Variants in RAB32 observed in about 807,000 individuals in gnomAD.
RAB32 encodes RAB32, member RAS oncogene family.
Under a neutral mutation model 17.5 loss-of-function variants are expected in RAB32, and 17 were observed. The ratio of observed to expected loss-of-function variants is 0.97; its 90% CI spans 0.67 to 1.46. RAB32 has a LOEUF of 1.46. RAB32 is among the 40% of genes most tolerant of loss of function. RAB32 has a pLI of 0.00. For synonymous variants in RAB32, 115 were observed against 111.1 expected (o/e 1.04, Z -0.22); for missense variants, 288 against 284.3 (o/e 1.01, Z -0.09).
Position 146,549,647 on chromosome 6 carries a change from G to A in RAB32, c.434G>A (p.Cys145Tyr). The A allele has an allele frequency of 1.9e-6, 3 of 1,614,182 alleles. No homozygotes were observed. The highest frequency in any genetic ancestry group is 2.7e-5 in the African/African-American group (2 of 75,058). The change falls in exon 2 of 3, where the codon TGT becomes TAT. Residue 145 changes from cysteine to tyrosine, a missense_variant. Coordinates refer to ENST00000367495, the MANE Select transcript of RAB32 (RefSeq NM_006834.5). ...CCTGCTGTCCTCTTGGCTAACAAATGTGACCAGAACAAGGACAGTAGCCAG... is the reference window on the plus strand; with the variant it reads ...CCTGCTGTCCTCTTGGCTAACAAATATGACCAGAACAAGGACAGTAGCCAG... ...PIPAVLLANKCDQNKDSSQSP... is the reference protein window; with the variant it reads ...PIPAVLLANKYDQNKDSSQSP...
chr6:146,553,130 G>A lies in RAB32; in HGVS notation c.529-1326G>A, dbSNP rs148391262. Among the ~76,000 whole-genome samples, 488 of 152,074 alleles carry A rather than the reference G, an allele frequency of 3.2e-3. 6 individuals are homozygous for A. Among genetic ancestry groups the A allele is most frequent in the African/African-American group, 0.011 (469 of 41,476 alleles). On this transcript the variant is annotated intron_variant, in intron 2 of 2. Transcript: ENST00000367495. ...TGTGCACAACGTGCAGGTTAGTCAC[G>A]TATGTATACATGTGTGGAACCTCTT...
chr6:146,549,691 C>A lies in RAB32; in HGVS notation c.478C>A (p.Gln160Lys). The change falls in exon 2 of 3, where the codon CAA becomes AAA. Residue 160 changes from glutamine (Q) to lysine (K), a missense_variant. Coordinates refer to ENST00000367495, the MANE Select transcript of RAB32 (RefSeq NM_006834.5). ...TAGCCAGAGTCCTTCCCAGGTGGACCAATTCTGCAAAGAACATGGCTTTGC... is the reference window on the plus strand; with the variant it reads ...TAGCCAGAGTCCTTCCCAGGTGGACAAATTCTGCAAAGAACATGGCTTTGC... ...DSSQSPSQVD[Q>K]FCKEHGFAGW... 6.2e-7 allele frequency: 1 copy of A among 1,614,194 alleles called. No individual in the cohort carries two copies. Among genetic ancestry groups the A allele is most frequent in the South Asian group, 1.1e-5 (1 of 91,084 alleles).
Position 146,543,903 on chromosome 6 carries a change from T to G in RAB32, c.32T>G (p.Leu11Arg), listed in dbSNP as rs1450449793. The G allele has an allele frequency of 2.5e-6, 4 of 1,582,848 alleles. No individual in the cohort carries two copies. The highest frequency in any genetic ancestry group is 3.5e-5 in the Admixed American group (2 of 56,996). ...GGCGGAGGAGCCGGGGACCCCGGCC[T>G]GGGGGCGGCCGCCGCCCCAGCGCCC... Reference protein sequence around the residue: MAGGGAGDPGLGAAAAPAPET... With the variant: MAGGGAGDPGRGAAAAPAPET... The change falls in exon 1 of 3, where the codon CTG becomes CGG. Residue 11 changes from leucine to arginine, a missense_variant. Physicochemically the swap from Leu to Arg is moderately radical, Grantham distance 102 (BLOSUM62 -2). Coordinates refer to ENST00000367495, the MANE Select transcript of RAB32 (RefSeq NM_006834.5).
intron 1 of RAB32, among the ~76,000 whole-genome samples, chr6:146,544,537 T>C (rs1157586873): frequency 6.6e-6 from 1 of 151,986 alleles, no homozygotes; most frequent in African/African-American, 2.4e-5. Flanking sequence ...GCACTCCTAG[T>C]TAGTGACACC....
At position 146,543,896 on chromosome 6, in the gene RAB32, C is replaced by T; in HGVS notation, c.25C>T (p.Pro9Ser). Residue 9 changes from proline (P) to serine (S), a missense_variant, in exon 1 of 3, where the codon CCC becomes TCC. Transcript: ENST00000367495. The part of the protein sequence containing the change: MAGGGAGD[P>S]GLGAAAAPAP... The stretch of plus-strand genomic sequence containing the variant: ...CATGGCGGGCGGAGGAGCCGGGGAC[C>T]CCGGCCTGGGGGCGGCCGCCGCCCC... The T allele has an allele frequency of 6.4e-7, 1 of 1,557,064 alleles. No individual in the cohort carries two copies.
chr6:146,553,162 A>T (rs559291255), intron 2 of RAB32, among the ~76,000 whole-genome samples: 11 of 152,334 alleles, frequency 7.2e-5, no homozygotes, highest in African/African-American at 2.6e-4. Flanking sequence ...TCTTTCTAAC[A>T]GTAGAATTCC....
chr6:146,544,835 G>A (rs1779801219), intron 1 of RAB32, among the ~76,000 whole-genome samples: 1 of 122,520 alleles, frequency 8.2e-6, no homozygotes, highest in Admixed American at 1.2e-4. Context: ...CATTTGTTCT[G>A]TTTGAGGGGG....
intron 1 of RAB32, 114 bp from the exon 2 acceptor site, chr6:146,549,350 G>A (rs1779866967): frequency 2.5e-6 from 2 of 804,000 alleles, no homozygotes; most frequent in Admixed American, 5.4e-5. Context: ...TTATATTGCT[G>A]TGGAATGGAA....
At position 146,544,148 on chromosome 6, in the gene RAB32, C is replaced by T. The variant is rs770579599; in HGVS notation, c.250+27C>T. The T allele has an allele frequency of 2.5e-6, 4 of 1,586,488 alleles. No homozygotes were observed. In the Admixed American group the frequency reaches 5.3e-5, roughly 21 times the overall value. ...TAAGCGCGGCCGCGAGTTTCCCACT[C>T]CAGAGCCCCGCCGGGCCGCCTGGCT... On this transcript the variant is annotated intron_variant, in intron 1 of 2. Coordinates refer to ENST00000367495, the MANE Select transcript of RAB32 (RefSeq NM_006834.5).
intron 2 of RAB32, 111 bp from the exon 3 acceptor site, chr6:146,554,345 T>C (rs1177703706): frequency 9.9e-7 from 1 of 1,007,606 alleles, no homozygotes; most frequent in Admixed American, 2.9e-5. Flanking sequence ...AAAGTGGCTG[T>C]GCACTTGCTG....
intron 1 of RAB32, among the ~76,000 whole-genome samples, chr6:146,549,167 A>G (rs553813942): frequency 1.3e-5 from 2 of 152,242 alleles, no homozygotes; most frequent in African/African-American, 4.8e-5. Flanking sequence ...GACTAAGGGG[A>G]GACGAGTCGG....
At chr6:146,546,766 T>C (rs1174014612) in intron 1 of RAB32, among the ~76,000 whole-genome samples, 1 of 151,268 alleles carries the variant, frequency 6.6e-6, no homozygotes, top group Non-Finnish European at 1.5e-5. Context: ...TAAGGTGTGG[T>C]GTTTTTACTA....
intron 2 of RAB32, among the ~76,000 whole-genome samples, chr6:146,553,107 T>C (rs1232683629): frequency 6.6e-6 from 1 of 152,224 alleles, no homozygotes; most frequent in Non-Finnish European, 1.5e-5. Context: ...AGGGTACATG[T>C]GCACAACGTG....
chr6:146,551,886 C>T (rs1779903015), intron 2 of RAB32, among the ~76,000 whole-genome samples: 1 of 152,142 alleles, frequency 6.6e-6, no homozygotes, highest in African/African-American at 2.4e-5. Context: ...ATAATAGAAG[C>T]AGCTTCTGTA....
rs776760747 is a variant in RAB32 at position 146,549,711 on chromosome 6, C to T, written c.498C>T (p.Gly166=). ...TGGACCAATTCTGCAAAGAACATGG[C>T]TTTGCCGGATGGTTTGAAACCTCTG... ...SQVDQFCKEH[G]FAGWFETSAK... Residue 166 remains glycine (G), a synonymous_variant, in exon 2 of 3, where the codon GGC becomes GGT. Coordinates refer to ENST00000367495, the MANE Select transcript of RAB32 (RefSeq NM_006834.5). 1.9e-6 allele frequency: 3 copies of T among 1,614,164 alleles called. No homozygotes were observed. The highest frequency in any genetic ancestry group is 1.1e-5 in the South Asian group (1 of 91,080).
At chr6:146,545,013 C>G (rs1583535084) in intron 1 of RAB32, among the ~76,000 whole-genome samples, 1 of 152,218 alleles carries the variant, frequency 6.6e-6, no homozygotes, top group African/African-American at 2.4e-5. Context: ...AAGGCCTAGA[C>G]TGGAGGATCG....
rs1779781650 is a variant in RAB32 at position 146,543,835 on chromosome 6, A to G, written c.-37A>G. On this transcript the variant is annotated 5_prime_UTR_variant, in exon 1 of 3. Coordinates refer to ENST00000367495, the MANE Select transcript of RAB32 (RefSeq NM_006834.5). ...AGCGCGAGGCCGGGCAGGGGGCCAG[A>G]CTCGGAGTCGAGGCGCGCCCGACAG... The G allele has an allele frequency of 1.5e-6, 2 of 1,306,752 alleles. No individual in the cohort carries two copies. The highest frequency in any genetic ancestry group is 3.9e-5 in the South Asian group (2 of 50,958). The allele number at this position is 1,306,752 out of a possible 1,614,324, so 80.9% of individuals were successfully genotyped here.
At chr6:146,554,302 A>G (rs1224063172) in intron 2 of RAB32, among the ~76,000 whole-genome samples, 154 bp from the exon 3 acceptor site, 1 of 152,086 alleles carries the variant, frequency 6.6e-6, no homozygotes, top group Non-Finnish European at 1.5e-5. Context: ...TTAACATTCA[A>G]CTCTAAGTGG....
chr6:146,544,184 T>G, intron 1 of RAB32, 63 bp downstream of exon 1: 2 of 1,505,726 alleles, frequency 1.3e-6, no homozygotes, highest in Non-Finnish European at 1.8e-6. Context: ...CCTCTCTGCT[T>G]CTTTTCTTTT....
Sources: allele counts gnomAD v4.1 joint callset (sites outside exome capture counted in the v4.1 genomes callset), GRCh38; gene constraint gnomAD v4.1.1; transcripts MANE v1.5; gene names NCBI Gene and HGNC (gene_info 2026-07-23, HGNC 2026-07-21).